The following BCL11A variants were observed in gnomAD, a reference collection of about 807,000 sequenced individuals.
BCL11A encodes B cell CLL/lymphoma 11A.
In BCL11A, 2 loss-of-function variants were observed where a neutral mutation model predicts 55.9. The observed-to-expected ratio is 0.04, with a 90% CI of 0.01 to 0.11. BCL11A has a LOEUF of 0.11. Ranked by LOEUF, BCL11A falls within the 10% of genes least tolerant of loss-of-function variation. The pLI is 1.00. For synonymous variants in BCL11A, 465 were observed against 473.4 expected (o/e 0.98, Z 0.23); for missense variants, 817 against 1,137.1 (o/e 0.72, Z 4.05).
chr2:60,464,828 A>G (rs1232119241), intron 3 of BCL11A, among the ~76,000 whole-genome samples: 1 of 152,214 alleles, frequency 6.6e-6, no homozygotes, highest in Non-Finnish European at 1.5e-5. Flanking sequence ...ATGCTACAGT[A>G]TGTTAACACT....
chr2:60,455,670 C>G (rs1381521299), downstream of BCL11A, among the ~76,000 whole-genome samples: 1 of 152,070 alleles, frequency 6.6e-6, no homozygotes, highest in Non-Finnish European at 1.5e-5. Flanking sequence ...GGATGCAAAA[C>G]CTAATTACGC....
At chr2:60,467,129 A>ATGATGGTGGTGGTAG (rs1676682225) in intron 3 of BCL11A, among the ~76,000 whole-genome samples, 12 of 70,764 alleles carry the variant, frequency 1.7e-4, no homozygotes, top group East Asian at 4.1e-4. Context: ...GGTGGTGGTG[A>ATGATGGTGGTGGTAG]TGGTGGTGTT....
Position 60,548,330 on chromosome 2 carries a change from C to CTTT in BCL11A, c.56-2033_56-2031dup, listed in dbSNP as rs34428551. On this transcript the variant is annotated intron_variant, in intron 1 of 3. Coordinates refer to ENST00000642384, the MANE Select transcript of BCL11A (RefSeq NM_022893.4). ...ATTTTTTATTTCCACCGTTAAGATT[C>CTTT]TTTTTTTTTTTTTTTTGTTCCCAAG... 3.5e-3 allele frequency among the ~76,000 whole-genome samples: 472 copies of CTTT among 135,088 alleles called. 4 individuals are homozygous for CTTT. The highest frequency in any genetic ancestry group is 6.7e-3 in the African/African-American group (246 of 36,944). The allele number at this position is 135,088 out of a possible 152,430, so 88.6% of individuals were successfully genotyped here.
chr2:60,474,256 T>C (rs1350467991), intron 2 of BCL11A, among the ~76,000 whole-genome samples: 1 of 151,980 alleles, frequency 6.6e-6, no homozygotes, highest in African/African-American at 2.4e-5. Flanking sequence ...CTGTCAGGCC[T>C]AAACAAAATT....
intron 2 of BCL11A, among the ~76,000 whole-genome samples, chr2:60,484,989 A>C (rs554530739): frequency 2.6e-5 from 4 of 151,608 alleles, no homozygotes; most frequent in Non-Finnish European, 5.9e-5. Flanking sequence ...AAACCAACCA[A>C]CCAAACAAAA....
chr2:60,501,505 CTTTTTTTTTTT>C (rs11366853), intron 2 of BCL11A, among the ~76,000 whole-genome samples: 5 of 119,728 alleles, frequency 4.2e-5, no homozygotes, highest in African/African-American at 9.5e-5. Flanking sequence ...ACACCGCTTT[CTTTTTTTTTTT>C]TTTTTTTTTT....
At chr2:60,491,907 G>C (rs1678662685) in intron 2 of BCL11A, among the ~76,000 whole-genome samples, 2 of 152,112 alleles carry the variant, frequency 1.3e-5, no homozygotes, top group African/African-American at 4.8e-5. Flanking sequence ...ACACAAATCT[G>C]CCAAATAAAT....
At chr2:60,468,700 G>T in intron 3 of BCL11A, 32 bp downstream of exon 3, 1 of 1,501,366 alleles carries the variant, frequency 6.7e-7, no homozygotes, top group African/African-American at 1.4e-5. Flanking sequence ...TATACACATG[G>T]ACATTTGTAG....
chr2:60,476,556 C>A (rs554418523), intron 2 of BCL11A, among the ~76,000 whole-genome samples: 4 of 152,330 alleles, frequency 2.6e-5, no homozygotes, highest in African/African-American at 9.6e-5. Context: ...CCACCACACC[C>A]CATCAGCATG....
chr2:60,452,377 T>C, downstream of BCL11A: 1 of 523,896 alleles, frequency 1.9e-6, no homozygotes, highest in Non-Finnish European at 3.4e-6. Flanking sequence ...TGTTTTTTTG[T>C]TTTTACTTTT....
chr2:60,531,511 A>C (rs1669455915), intron 2 of BCL11A, among the ~76,000 whole-genome samples: 1 of 152,248 alleles, frequency 6.6e-6, no homozygotes, highest in South Asian at 2.1e-4. Flanking sequence ...ATATTAATAA[A>C]ATACATAATA....
chr2:60,486,318 C>T (rs998305372), intron 2 of BCL11A, among the ~76,000 whole-genome samples: 1 of 152,168 alleles, frequency 6.6e-6, no homozygotes, highest in Non-Finnish European at 1.5e-5. Flanking sequence ...CACCTTGCCC[C>T]ACCTCCAATT....
chr2:60,511,399 T>C (rs540076726), intron 2 of BCL11A, among the ~76,000 whole-genome samples: 1 of 152,344 alleles, frequency 6.6e-6, no homozygotes, highest in South Asian at 2.1e-4. Flanking sequence ...GGAAGTAATG[T>C]CATTCTATGT....
At chr2:60,525,132 G>A (rs928768833) in intron 2 of BCL11A, 1 of 152,144 alleles carries the variant, frequency 6.6e-6, no homozygotes. Context: ...CCAGCTTTTG[G>A]GAGGAGGAAG....
chr2:60,461,445 C>G lies in BCL11A; in HGVS notation c.1467G>C (p.Glu489Asp), dbSNP rs141406273. 3.9e-5 allele frequency: 63 copies of G among 1,603,620 alleles called. No individual in the cohort carries two copies. The East Asian group carries it at 1.0e-3, about 26-fold the overall frequency. ...IPENGDEEEE[E>D]DDEEEEEEEE... Reference sequence around the variant, plus strand: ...CCTCTTCTTCCTCTTCCTCGTCGTCCTCCTCTTCCTCCTCGTCCCCGTTCT... The same window carrying G: ...CCTCTTCTTCCTCTTCCTCGTCGTCGTCCTCTTCCTCCTCGTCCCCGTTCT... Residue 489 changes from glutamate to aspartate, a missense_variant, in exon 4 of 4, where the codon GAG (glutamate) becomes GAC (aspartate). Around this residue, in one of 4 missense-constraint regions of BCL11A, gnomAD observed 379 missense variants for 425.3 expected, o/e 0.89. Transcript: ENST00000642384.
chr2:60,460,366 G>A lies in BCL11A; in HGVS notation c.*38C>T. On this transcript the variant is annotated 3_prime_UTR_variant, in exon 4 of 4. Transcript: ENST00000642384. The stretch of plus-strand genomic sequence containing the variant: ...GGGAAGGGGAGTGGTGAAAAAGGGG[G>A]TGTCAGGTGGGAGTGAGGGAGGGGT... 6.4e-7 allele frequency: 1 copy of A among 1,551,244 alleles called. No homozygotes were observed. The highest frequency in any genetic ancestry group is 1.2e-5 in the South Asian group (1 of 80,900).
chr2:60,456,423 G>A (rs533113097), downstream of BCL11A, among the ~76,000 whole-genome samples: 280 of 152,248 alleles, frequency 1.8e-3, 3 homozygotes, highest in Non-Finnish European at 2.4e-4. Context: ...GGGTATTCCC[G>A]CCCTTATTTG....
chr2:60,536,573 T>C (rs1573078243), intron 2 of BCL11A: 1 of 152,114 alleles, frequency 6.6e-6, no homozygotes, highest in South Asian at 2.1e-4. Context: ...AGAATTAGAT[T>C]AAAAACAAAA....
At chr2:60,482,355 C>A (rs4671392) in intron 2 of BCL11A, among the ~76,000 whole-genome samples, 1 of 151,996 alleles carries the variant, frequency 6.6e-6, no homozygotes, top group African/African-American at 2.4e-5. Context: ...CGAGAATATC[C>A]GGAACTGGAG....
Sources: gnomAD v4.1 joint callset for allele counts (sites outside exome capture counted in the v4.1 genomes callset) on GRCh38, gnomAD v4.1.1 for gene constraint, gnomAD v4.1.1 regional missense constraint, MANE v1.5 for transcripts, NCBI Gene and HGNC (gene_info 2026-07-23, HGNC 2026-07-21) for gene names.